Variants in DAB1 observed in about 807,000 individuals in gnomAD.
DAB1 encodes disabled homolog 1.
DAB1 carries 15 observed loss-of-function variants against 64.6 expected under a neutral mutation model. The observed-to-expected ratio is 0.23, with a 90% CI of 0.16 to 0.36. DAB1 has a LOEUF of 0.36. DAB1 is among the 10% of genes least tolerant of loss of function. DAB1 has a pLI of 1.00. For missense variants in DAB1, 596 were observed against 706.7 expected, an observed-to-expected ratio of 0.84 and a Z score of 1.78; for synonymous variants, 235 against 251.9, an observed-to-expected ratio of 0.93 and a Z score of 0.64.
intron 6 of DAB1, among the ~76,000 whole-genome samples, chr1:57,735,003 A>G (rs1460098048): frequency 6.6e-6 from 1 of 152,242 alleles, no homozygotes; most frequent in Non-Finnish European, 1.5e-5. Context: ...TCTGTCATTC[A>G]CTTTTCTTCT....
chr1:57,322,733 C>G (rs1570273764), intron 1 of DAB1, among the ~76,000 whole-genome samples: 1 of 152,090 alleles, frequency 6.6e-6, no homozygotes, highest in South Asian at 2.1e-4. Context: ...TAAGAAAGTA[C>G]CTATATGAAG....
chr1:57,005,691 G>T (rs898120446), intron 14 of DAB1, among the ~76,000 whole-genome samples: 3 of 152,148 alleles, frequency 2.0e-5, no homozygotes, highest in Admixed American at 6.5e-5. Flanking sequence ...TTAAAACCCA[G>T]GTGTCCTTCC....
intron 7 of DAB1, among the ~76,000 whole-genome samples, chr1:57,569,427 G>T (rs905368905): frequency 3.9e-5 from 6 of 152,124 alleles, no homozygotes; most frequent in Non-Finnish European, 5.9e-5. Flanking sequence ...ATGAGTTCAT[G>T]TCCTTTGTAG....
chr1:57,537,110 T>C (rs1479996701), intron 7 of DAB1, among the ~76,000 whole-genome samples: 1 of 152,248 alleles, frequency 6.6e-6, no homozygotes, highest in South Asian at 2.1e-4. Flanking sequence ...CTGTGTTAGA[T>C]AAAATACGTC....
rs143184520 is a variant in DAB1, at chr1:58,384,553, A to G, written n.258-41150T>C. Reference sequence around the variant, plus strand: ...GGGACAGGACTAATAGGGTAGATGTATATATGAAGGGGAGTTTATTAAGGA... The same window carrying G: ...GGGACAGGACTAATAGGGTAGATGTGTATATGAAGGGGAGTTTATTAAGGA... On this transcript the variant is annotated intron_variant and non_coding_transcript_variant, in intron 3 of 20. Coordinates refer to the DAB1 transcript ENST00000485760. 3.1e-3 allele frequency among the ~76,000 whole-genome samples: 470 copies of G among 152,308 alleles called. 1 individual carries two copies. The highest frequency in any genetic ancestry group is 7.7e-3 in the Admixed American group (118 of 15,308).
chr1:58,530,275 T>G (rs556629521), intron 1 of DAB1, among the ~76,000 whole-genome samples: 4 of 152,104 alleles, frequency 2.6e-5, no homozygotes, highest in Admixed American at 1.3e-4. Context: ...AATTTGGGAG[T>G]CATTCAGTTA....
chr1:57,571,882 G>A (rs890817996), intron 7 of DAB1, among the ~76,000 whole-genome samples: 18 of 152,176 alleles, frequency 1.2e-4, no homozygotes, highest in African/African-American at 2.9e-4. Flanking sequence ...CCTCTTCAGC[G>A]GGAGAGAGCA....
intron 4 of DAB1, among the ~76,000 whole-genome samples, chr1:58,300,610 A>AAGAAAGAAAGAAAGAGAG (rs1271283598): frequency 2.1e-5 from 1 of 47,008 alleles, no homozygotes; most frequent in Non-Finnish European, 4.8e-5. Context: ...GAAAGAAAGA[A>AAGAAAGAAAGAAAGAGAG]AGAGAGAGAG....
intron 6 of DAB1, among the ~76,000 whole-genome samples, chr1:57,789,658 A>C (rs1004167193): frequency 6.6e-6 from 1 of 152,132 alleles, no homozygotes; most frequent in East Asian, 1.9e-4. Flanking sequence ...TTACCTCCTA[A>C]AGGCCCCATC....
intron 2 of DAB1, among the ~76,000 whole-genome samples, chr1:57,214,650 C>T (rs1342654671): frequency 1.3e-5 from 2 of 152,140 alleles, no homozygotes; most frequent in Non-Finnish European, 2.9e-5. Context: ...GTGGCTCACA[C>T]CTGTAATCCC....
At chr1:57,929,539 T>C (rs534742572) in intron 5 of DAB1, among the ~76,000 whole-genome samples, 1 of 152,354 alleles carries the variant, frequency 6.6e-6, no homozygotes, top group South Asian at 2.1e-4. Flanking sequence ...CTATATTTTT[T>C]CCTATGTTAT....
At chr1:57,518,497 C>T (rs995363138) in intron 7 of DAB1, among the ~76,000 whole-genome samples, 5 of 152,176 alleles carry the variant, frequency 3.3e-5, no homozygotes, top group South Asian at 2.1e-4. Flanking sequence ...CACATTATTC[C>T]GTGTTTTAAA....
At position 57,891,937 on chromosome 1, in the gene DAB1, T is replaced by A. The variant is rs191510487; in HGVS notation, n.388-7775A>T. On this transcript the variant is annotated intron_variant and non_coding_transcript_variant, in intron 5 of 20. Transcript: ENST00000485760. The stretch of plus-strand genomic sequence containing the variant: ...GCAGGAAACCACCATGGCACGTGTA[T>A]ACCTAGGTAACAAACGTGCACGTTC... Among the ~76,000 whole-genome samples the A allele has an allele frequency of 2.2e-3, 331 of 152,290 alleles. 2 individuals are homozygous for A. Among genetic ancestry groups the A allele is most frequent in the African/African-American group, 7.7e-3 (318 of 41,554 alleles).
At chr1:58,139,914 A>G (rs1654179786) in intron 5 of DAB1, among the ~76,000 whole-genome samples, 1 of 152,188 alleles carries the variant, frequency 6.6e-6, no homozygotes, top group Non-Finnish European at 1.5e-5. Flanking sequence ...AGTGGAAACT[A>G]TATTATTAAA....
intron 1 of DAB1, among the ~76,000 whole-genome samples, chr1:57,374,202 G>A (rs2052615): frequency 0.32 from 48,322 of 151,758 alleles, 8,007 homozygotes; most frequent in African/African-American, 0.38. Context: ...TTTATTACCA[G>A]TGATGAGGCT....
chr1:58,525,378 T>C (rs755098883), intron 2 of DAB1, among the ~76,000 whole-genome samples: 50 of 152,046 alleles, frequency 3.3e-4, no homozygotes, highest in Non-Finnish European at 6.0e-4. Flanking sequence ...TGTATACAGA[T>C]TGGAAAGGAA....
At chr1:57,005,919 G>C (rs1646050020) in intron 14 of DAB1, among the ~76,000 whole-genome samples, 1 of 152,220 alleles carries the variant, frequency 6.6e-6, no homozygotes, top group South Asian at 2.1e-4. Flanking sequence ...TTATTAGTAA[G>C]TGAAAGGTAT....
intron 4 of DAB1, among the ~76,000 whole-genome samples, chr1:57,121,157 GAGGAGGAGA>G (rs55992957): frequency 4.3e-5 from 6 of 140,784 alleles, no homozygotes; most frequent in Non-Finnish European, 6.1e-5. Context: ...GGAGGAGGAG[GAGGAGGAGA>G]AGGAGGAGAA....
At chr1:57,493,873 T>G (rs2101287999) in intron 7 of DAB1, among the ~76,000 whole-genome samples, 1 of 152,248 alleles carries the variant, frequency 6.6e-6, no homozygotes, top group Non-Finnish European at 1.5e-5. Context: ...GAATCTTTAT[T>G]TATTTAATTT....
Sources: allele counts gnomAD v4.1 joint callset (sites outside exome capture counted in the v4.1 genomes callset), GRCh38; gene constraint gnomAD v4.1.1; transcripts MANE v1.5; gene names NCBI Gene and HGNC (gene_info 2026-07-23, HGNC 2026-07-21).